SLC24A2: variants seen among roughly 807,000 people sequenced by gnomAD.
SLC24A2 encodes sodium/potassium/calcium exchanger 2.
A neutral mutation model predicts 62.0 loss-of-function variants in SLC24A2; 36 were observed. The observed-to-expected ratio is 0.58, with a 90% CI of 0.44 to 0.77. The LOEUF is 0.77. Among genes scored for constraint, SLC24A2 ranks in the 30% least tolerant of loss-of-function variants. The pLI, the probability that SLC24A2 is intolerant of heterozygous loss-of-function variation, is 0.00. For missense variants in SLC24A2, 846 were observed against 817.9 expected (o/e 1.03, Z -0.42); for synonymous variants, 358 against 294.0 (o/e 1.22, Z -2.23).
the SLC24A2 span, among the ~76,000 whole-genome samples, chr9:20,183,129 G>A: frequency 5.2e-4 from 79 of 152,220 alleles, no homozygotes; most frequent in Middle Eastern, 6.8e-3. Flanking sequence ...GCTCGTACCT[G>A]GACTTGGGAA....
At position 19,599,887 on chromosome 9, in the gene SLC24A2, C is replaced by T. The variant is rs1350720414; in HGVS notation, c.1079-2608G>A. 6.6e-6 allele frequency among the ~76,000 whole-genome samples: 1 copy of T among 152,104 alleles called. No homozygotes were observed. Among genetic ancestry groups the T allele is most frequent in the Non-Finnish European group, 1.5e-5 (1 of 68,026 alleles). On this transcript the variant is annotated intron_variant, in intron 4 of 10. Transcript: ENST00000341998. This position sits in a 1 kb window ranked among gnomAD's most constrained non-coding sequence, Gnocchi z 4.5. ...ACCGGCATAGGAATGTGGCTTGCAA[C>T]CAGCACACTCTCCATAATGAATAAC...
chr9:19,553,467 C>T (rs1834939699), intron 7 of SLC24A2, among the ~76,000 whole-genome samples: 2 of 152,176 alleles, frequency 1.3e-5, no homozygotes, highest in African/African-American at 4.8e-5. Flanking sequence ...TTGATATCTG[C>T]TGGGGTCTCT....
chr9:20,177,640 T>C, the SLC24A2 span, among the ~76,000 whole-genome samples: 1,123 of 152,250 alleles, frequency 7.4e-3, 17 homozygotes, highest in African/African-American at 0.026. Flanking sequence ...AAGTCCTTAA[T>C]TGATCCTTTA....
chr9:20,078,346 C>T, the SLC24A2 span, among the ~76,000 whole-genome samples: 1 of 143,036 alleles, frequency 7.0e-6, no homozygotes, highest in East Asian at 2.0e-4. Flanking sequence ...AGAGCAGGTG[C>T]CAGAGAAGTT....
the SLC24A2 span, among the ~76,000 whole-genome samples, chr9:20,025,904 A>T: frequency 6.6e-6 from 1 of 152,186 alleles, no homozygotes; most frequent in Admixed American, 6.5e-5. Context: ...CTATTAAAGA[A>T]TTATTCAGGA....
intron 5 of SLC24A2, among the ~76,000 whole-genome samples, chr9:19,581,602 A>G (rs140908051): frequency 1.7e-4 from 26 of 152,330 alleles, no homozygotes; most frequent in African/African-American, 5.8e-4. Context: ...AAGGGTTGCT[A>G]TCATTATGGA....
At position 19,706,473 on chromosome 9, in the gene SLC24A2, G is replaced by A. The variant is rs1247060995; in HGVS notation, c.930+79464C>T. On this transcript the variant is annotated intron_variant, in intron 2 of 10. Coordinates refer to ENST00000341998, the MANE Select transcript of SLC24A2 (RefSeq NM_020344.4). ...CGACTCACTGCAAGCTCCGCCTCCC[G>A]GGTTCACGCCATTCTCCTGCCTCAG... is the stretch of plus-strand genomic sequence containing the variant. Among the ~76,000 whole-genome samples, 362 of 150,260 alleles carry A rather than the reference G, an allele frequency of 2.4e-3. 2 individuals are homozygous for A. The highest frequency in any genetic ancestry group is 3.6e-3 in the Non-Finnish European group (243 of 67,750).
At chr9:20,079,638 T>C in the SLC24A2 span, among the ~76,000 whole-genome samples, 5 of 152,230 alleles carry the variant, frequency 3.3e-5, no homozygotes, top group Non-Finnish European at 5.9e-5. Context: ...CTTCATGTAC[T>C]TGGCAAGCAC....
At chr9:19,565,536 C>A (rs1193990997) in intron 7 of SLC24A2, among the ~76,000 whole-genome samples, 2 of 151,618 alleles carry the variant, frequency 1.3e-5, no homozygotes, top group Admixed American at 1.3e-4. Flanking sequence ...AATGGCCACA[C>A]TGCCCAAGGT....
chr9:19,907,866 T>C, the SLC24A2 span, among the ~76,000 whole-genome samples: 1 of 152,208 alleles, frequency 6.6e-6, no homozygotes, highest in Admixed American at 6.5e-5. Context: ...CATTCCATGC[T>C]CATGGGTAGG....
chr9:20,099,939 A>T, the SLC24A2 span, among the ~76,000 whole-genome samples: 2 of 152,142 alleles, frequency 1.3e-5, no homozygotes, highest in African/African-American at 4.8e-5. Context: ...TGAGCATTTC[A>T]TGAAGACTTT....
At chr9:19,899,560 A>C in the SLC24A2 span, among the ~76,000 whole-genome samples, 1 of 152,204 alleles carries the variant, frequency 6.6e-6, no homozygotes, top group East Asian at 1.9e-4. Flanking sequence ...GGGCAGTGAT[A>C]ATAGAGATGT....
chr9:19,568,448 C>T (rs1182093250), intron 7 of SLC24A2, among the ~76,000 whole-genome samples: 2 of 152,164 alleles, frequency 1.3e-5, no homozygotes, highest in East Asian at 3.9e-4. Context: ...CTGGGCTATT[C>T]AATAGCCATT....
At chr9:19,955,542 A>T in the SLC24A2 span, among the ~76,000 whole-genome samples, 7 of 152,154 alleles carry the variant, frequency 4.6e-5, no homozygotes, top group Admixed American at 1.3e-4. Flanking sequence ...TGTAGACAAG[A>T]TACTATCCAA....
chr9:19,932,886 CA>C, the SLC24A2 span, among the ~76,000 whole-genome samples: 1 of 152,250 alleles, frequency 6.6e-6, no homozygotes, highest in Non-Finnish European at 1.5e-5. Flanking sequence ...ATAATACTCT[CA>C]GATTCCCCCG....
intron 2 of SLC24A2, among the ~76,000 whole-genome samples, chr9:19,736,645 C>T (rs1261148678): frequency 6.6e-6 from 1 of 151,972 alleles, no homozygotes; most frequent in East Asian, 1.9e-4. Context: ...TCAAGACTAG[C>T]CTGGGCAACA....
At chr9:19,542,403 C>T (rs566312353) in intron 8 of SLC24A2, among the ~76,000 whole-genome samples, 13 of 152,154 alleles carry the variant, frequency 8.5e-5, no homozygotes, top group Non-Finnish European at 1.6e-4. Flanking sequence ...AATTTGACTT[C>T]CTCTTTTCCT....
chr9:20,059,943 T>C, the SLC24A2 span, among the ~76,000 whole-genome samples: 3 of 151,720 alleles, frequency 2.0e-5, no homozygotes, highest in African/African-American at 4.8e-5. Flanking sequence ...AAGATGCAAA[T>C]CACTAAAAGC....
At chr9:20,094,056 G>C in the SLC24A2 span, among the ~76,000 whole-genome samples, 20 of 152,126 alleles carry the variant, frequency 1.3e-4, no homozygotes, top group African/African-American at 4.8e-4. Context: ...ATAATACTAA[G>C]AGGTTATTTT....
Sources: gnomAD v4.1 joint callset for allele counts (sites outside exome capture counted in the v4.1 genomes callset) on GRCh38, gnomAD v4.1.1 for gene constraint, Gnocchi (gnomAD v3.1) non-coding constraint, MANE v1.5 for transcripts, NCBI Gene and HGNC (gene_info 2026-07-23, HGNC 2026-07-21) for gene names.